RBFA: variants seen among roughly 807,000 people sequenced by gnomAD.
RBFA encodes ribosome binding factor A.
A neutral mutation model predicts 27.9 loss-of-function variants in RBFA; 16 were observed. The observed-to-expected ratio is 0.57, with a 90% CI of 0.39 to 0.87. The LOEUF is 0.87. RBFA is among the 40% of genes least tolerant of loss of function. The pLI, the probability that RBFA is intolerant of heterozygous loss-of-function variation, is 0.00. For synonymous variants in RBFA, 181 were observed against 181.0 expected (o/e 1.00, Z 0.00); for missense variants, 456 against 432.1 (o/e 1.06, Z -0.49).
chr18:80,040,968 G>A (rs1323799134), intron 4 of RBFA, among the ~76,000 whole-genome samples: 1 of 152,146 alleles, frequency 6.6e-6, no homozygotes, highest in African/African-American at 2.4e-5. Context: ...TCCAAATCCA[G>A]CTCACTGTCC....
chr18:80,045,743 G>T lies in RBFA; in HGVS notation c.651-31G>T, dbSNP rs527890301. ...ACTGTGGACTAGGGGCATGGTTTGT[G>T]CTTGGTGTGAAGCCTCTTCTTCCTT... On this transcript the variant is annotated intron_variant, in intron 6 of 6. Coordinates refer to ENST00000306735, the MANE Select transcript of RBFA (RefSeq NM_024805.3). The T allele has an allele frequency of 2.7e-6, 4 of 1,506,904 alleles. No homozygotes were observed. The African/African-American group carries it at 4.2e-5, about 16-fold the overall frequency. 93.3% of individuals were successfully genotyped at this position (1,506,904 alleles called of 1,614,324 possible). A position where few individuals can be genotyped will look rare whatever the true frequency, so the allele number is the denominator to read the frequency against.
intron 1 of RBFA, chr18:80,036,029 T>C (rs943359354): frequency 5.3e-5 from 8 of 152,230 alleles, no homozygotes; most frequent in African/African-American, 1.9e-4. Flanking sequence ...CTCGTTCCTT[T>C]TATTGGAGAG....
At chr18:80,034,765 G>A in intron 1 of RBFA, 112 bp downstream of exon 1, 1 of 1,381,390 alleles carries the variant, frequency 7.2e-7, no homozygotes, top group Non-Finnish European at 9.9e-7. Flanking sequence ...TAGCTCGCCA[G>A]TTCCTGCCTC....
Position 80,046,486 on chromosome 18 carries a change from C to G in RBFA, c.*331C>G. On this transcript the variant is annotated 3_prime_UTR_variant, in exon 7 of 7. Transcript: ENST00000306735. The stretch of plus-strand genomic sequence containing the variant: ...CCAGTGAGTGCTTGGCCCGAGGGGT[C>G]AGGCCACAGCAGTGGCCGGGGTAAG... The G allele has an allele frequency of 3.6e-6, 1 of 274,864 alleles. No individual in the cohort carries two copies. Among genetic ancestry groups the G allele is most frequent in the Non-Finnish European group, 7.0e-6 (1 of 142,116 alleles). The allele number at this position is 274,864 out of a possible 1,614,324, so 17.0% of individuals were successfully genotyped here.
In RBFA at chr18:80,038,505, G is replaced by T. The variant is rs2051995996; in HGVS notation, c.379G>T (p.Val127Phe). ...GACCTGTGGAGGGGCGGGGTCTCAG[G>T]TTTCCCTGACTCCAGACTTCTCAGC... ...LYDLNVELSK[V>F]SLTPDFSACR... Residue 127 changes from valine to phenylalanine, a missense_variant and splice_region_variant, in exon 4 of 7, where the codon GTT (valine) becomes TTT (phenylalanine). Coordinates refer to ENST00000306735, the MANE Select transcript of RBFA (RefSeq NM_024805.3). 1.2e-6 allele frequency: 2 copies of T among 1,608,490 alleles called. No homozygotes were observed. The highest frequency in any genetic ancestry group is 1.7e-6 in the Non-Finnish European group (2 of 1,176,616).
At position 80,049,175 on chromosome 18, in the gene RBFA, G is replaced by A. The variant is rs2052079203; in HGVS notation, c.*3020G>A. On this transcript the variant is annotated 3_prime_UTR_variant, in exon 7 of 7. Transcript: ENST00000306735. ...TTTCCGCGGCCTTCCCTGGGAGCGG[G>A]TTAGGGACACGGAAGCTCACCCCCT... 6.6e-6 allele frequency among the ~76,000 whole-genome samples: 1 copy of A among 151,770 alleles called. No individual in the cohort carries two copies. The highest frequency in any genetic ancestry group is 6.6e-5 in the Admixed American group (1 of 15,260).
intron 6 of RBFA, among the ~76,000 whole-genome samples, chr18:80,045,144 C>T (rs1686296135): frequency 6.6e-6 from 1 of 151,924 alleles, no homozygotes; most frequent in African/African-American, 2.4e-5. Flanking sequence ...GAATGAGTGG[C>T]AGGTCTGATA....
Position 80,050,385 on chromosome 18 carries a change from A to T in RBFA, c.*4230A>T, listed in dbSNP as rs2052088020. ...TCATGGGCACAGAGTAGGTGTATAT[A>T]TTTGTGGGGTACATGAGATGTTTTG... is the stretch of plus-strand genomic sequence containing the variant. On this transcript the variant is annotated 3_prime_UTR_variant, in exon 7 of 7. Transcript: ENST00000306735. Among the ~76,000 whole-genome samples, 1 of 152,106 alleles carries T rather than the reference A, an allele frequency of 6.6e-6. No individual in the cohort carries two copies. Among genetic ancestry groups the T allele is most frequent in the Admixed American group, 6.6e-5 (1 of 15,256 alleles).
At position 80,050,289 on chromosome 18, in the gene RBFA, G is replaced by A. The variant is rs1323041215; in HGVS notation, c.*4134G>A. On this transcript the variant is annotated 3_prime_UTR_variant, in exon 7 of 7. Transcript: ENST00000306735. ...GTTCCTGGTTTGTGACACAGGAAGG[G>A]AGGGAACTGGGGAGGACAGGTCATG... Among the ~76,000 whole-genome samples, 1 of 152,164 alleles carries A rather than the reference G, an allele frequency of 6.6e-6. No individual in the cohort carries two copies. The highest frequency in any genetic ancestry group is 1.5e-5 in the Non-Finnish European group (1 of 68,026).
intron 4 of RBFA, chr18:80,041,534 AG>A (rs1189849515): frequency 6.6e-6 from 1 of 152,208 alleles, no homozygotes; most frequent in Non-Finnish European, 1.5e-5. Flanking sequence ...CTGGAGCCCA[AG>A]GCTACGGCGA....
chr18:80,044,627 C>T (rs534248736), intron 6 of RBFA, among the ~76,000 whole-genome samples: 16 of 152,338 alleles, frequency 1.1e-4, no homozygotes, highest in African/African-American at 2.4e-4. Flanking sequence ...TTGGAACCTG[C>T]GTTTCATTAG....
chr18:80,044,930 G>A (rs1392556313), intron 6 of RBFA, among the ~76,000 whole-genome samples: 1 of 152,222 alleles, frequency 6.6e-6, no homozygotes, highest in East Asian at 1.9e-4. Context: ...CAGCCTGCCA[G>A]GTGCATCCCT....
Position 80,034,637 on chromosome 18 carries a change from T to C in RBFA, c.142T>C (p.Phe48Leu). The change falls in exon 1 of 7, where the codon TTT becomes CTT. Residue 48 changes from phenylalanine to leucine, a missense_variant. Transcript: ENST00000306735. Reference sequence around the variant, plus strand: ...CTCCTGCAAGAACTGGCTCAAGAAATTTGCCTCGAAAACCAAGTAATGCGG... The same window carrying C: ...CTCCTGCAAGAACTGGCTCAAGAAACTTGCCTCGAAAACCAAGTAATGCGG... ...AVSCKNWLKK[F>L]ASKTKKKVWY... is the part of the protein sequence containing the mutation. 1.2e-6 allele frequency: 2 copies of C among 1,608,704 alleles called. No individual in the cohort carries two copies. The highest frequency in any genetic ancestry group is 1.7e-5 in the Admixed American group (1 of 59,004).
rs1568391904 is a variant in RBFA, at chr18:80,048,882, TCGG to T, written c.*2729_*2731del. 6.4e-4 allele frequency among the ~76,000 whole-genome samples: 94 copies of T among 145,898 alleles called. 2 individuals are homozygous for T. The highest frequency in any genetic ancestry group is 2.0e-3 in the African/African-American group (75 of 37,874). ...TGTTTGCAGGGGATCCAACCAGGCG[TCGG>T]CTCAGTGCCTCCTAGAAAGTGGAGT... On this transcript the variant is annotated 3_prime_UTR_variant, in exon 7 of 7. Coordinates refer to ENST00000306735, the MANE Select transcript of RBFA (RefSeq NM_024805.3).
At chr18:80,035,221 T>C (rs1319401416) in intron 1 of RBFA, 3 of 153,082 alleles carry the variant, frequency 2.0e-5, no homozygotes, top group African/African-American at 7.2e-5. Flanking sequence ...AGCGTCGGAC[T>C]TTAGCTTCCA....
Position 80,034,542 on chromosome 18 carries a change from G to A in RBFA, c.47G>A (p.Arg16Gln), listed in dbSNP as rs748690069. The A allele has an allele frequency of 3.1e-6, 5 of 1,600,198 alleles. No individual in the cohort carries two copies. The highest frequency in any genetic ancestry group is 4.3e-6 in the Non-Finnish European group (5 of 1,176,454). Residue 16 changes from arginine (R) to glutamine (Q), a missense_variant, in exon 1 of 7, where the codon CGG becomes CAG. Transcript: ENST00000306735. ...GGLWRSRAGLRALFRSRDAAL... is the reference protein window; with the variant it reads ...GGLWRSRAGLQALFRSRDAAL... ...CTGTGGCGCTCCCGCGCGGGTCTCC[G>A]GGCCCTGTTCCGTAGCCGCGATGCT...
At chr18:80,040,571 G>A (rs2052010126) in intron 4 of RBFA, among the ~76,000 whole-genome samples, 1 of 152,096 alleles carries the variant, frequency 6.6e-6, no homozygotes, top group African/African-American at 2.4e-5. Flanking sequence ...GTGAGAGGAA[G>A]GACAGAGTGC....
In RBFA at chr18:80,037,398, T is replaced by A; in HGVS notation, c.270T>A (p.His90Gln). The A allele has an allele frequency of 1.2e-6, 2 of 1,614,152 alleles. No individual in the cohort carries two copies. The highest frequency in any genetic ancestry group is 1.7e-6 in the Non-Finnish European group (2 of 1,180,026). ...STSKKTRKEDHARLRALNGLL... is the reference protein window; with the variant it reads ...STSKKTRKEDQARLRALNGLL... ...CAAAGAAAACCAGGAAGGAAGACCATGCGCGCCTGAGGGCCCTGAACGGCC... is the reference window on the plus strand; with the variant it reads ...CAAAGAAAACCAGGAAGGAAGACCAAGCGCGCCTGAGGGCCCTGAACGGCC... Residue 90 changes from histidine to glutamine, a missense_variant, in exon 3 of 7, where the codon CAT becomes CAA. Physicochemically the swap from His to Gln is conservative, Grantham distance 24. Transcript: ENST00000306735.
At position 80,034,579 on chromosome 18, in the gene RBFA, A is replaced by G; in HGVS notation, c.84A>G (p.Pro28=). Residue 28 remains proline, a synonymous_variant, in exon 1 of 7, where the codon CCA becomes CCG. Coordinates refer to ENST00000306735, the MANE Select transcript of RBFA (RefSeq NM_024805.3). The part of the protein sequence containing the change: ...LFRSRDAALF[P]GCERGLHCSA... ...GTAGCCGCGATGCTGCGCTATTTCC[A>G]GGCTGCGAGCGGGGACTTCACTGCT... 6.2e-7 allele frequency: 1 copy of G among 1,609,546 alleles called. No individual in the cohort carries two copies. The highest frequency in any genetic ancestry group is 8.5e-7 in the Non-Finnish European group (1 of 1,179,084).
Sources: allele counts gnomAD v4.1 joint callset (sites outside exome capture counted in the v4.1 genomes callset), GRCh38; gene constraint gnomAD v4.1.1; transcripts MANE v1.5; gene names NCBI Gene and HGNC (gene_info 2026-07-23, HGNC 2026-07-21).